Variants in SEMA6D observed in about 807,000 individuals in gnomAD.
SEMA6D encodes semaphorin 6D.
In SEMA6D, 35 loss-of-function variants were observed where a neutral mutation model predicts 106.6. The observed-to-expected ratio is 0.33, with a 90% CI of 0.25 to 0.44. The LOEUF (loss-of-function observed/expected upper bound fraction) is 0.44, where lower values mean the gene tolerates loss of function less well. SEMA6D is among the 20% of genes least tolerant of loss of function. The pLI is 1.00. For synonymous variants in SEMA6D, 499 were observed against 487.7 expected, an observed-to-expected ratio of 1.02 and a Z score of -0.31; for missense variants, 1,185 against 1,345.9, an observed-to-expected ratio of 0.88 and a Z score of 1.87.
intron 3 of SEMA6D, among the ~76,000 whole-genome samples, chr15:47,548,878 A>T (rs1202195358): frequency 6.6e-6 from 1 of 152,146 alleles, no homozygotes; most frequent in African/African-American, 2.4e-5. Context: ...ATTCTAATGG[A>T]CTTTCCTGGA....
At chr15:47,468,776 A>G (rs1023718612) in intron 2 of SEMA6D, among the ~76,000 whole-genome samples, 3 of 152,190 alleles carry the variant, frequency 2.0e-5, no homozygotes, top group Admixed American at 1.3e-4. Flanking sequence ...TGAATAGTAC[A>G]GATAAAATTG....
chr15:47,572,853 A>G (rs2076087309), intron 3 of SEMA6D, among the ~76,000 whole-genome samples: 1 of 152,180 alleles, frequency 6.6e-6, no homozygotes, highest in Admixed American at 6.5e-5. Flanking sequence ...TTTGCCAGAT[A>G]CTATGTTAGG....
intron 2 of SEMA6D, among the ~76,000 whole-genome samples, chr15:47,414,639 G>A (rs1284329226): frequency 6.6e-6 from 1 of 152,172 alleles, no homozygotes; most frequent in East Asian, 1.9e-4. Flanking sequence ...ATGCTAAATT[G>A]ACTTGCATCA....
At chr15:47,653,833 G>A (rs1419847521) in intron 4 of SEMA6D, among the ~76,000 whole-genome samples, 1 of 152,164 alleles carries the variant, frequency 6.6e-6, no homozygotes, top group Non-Finnish European at 1.5e-5. Flanking sequence ...ACGAATGAAC[G>A]AATGGAAAAT....
intron 3 of SEMA6D, among the ~76,000 whole-genome samples, chr15:47,549,101 T>A (rs1450776950): frequency 6.6e-6 from 1 of 152,118 alleles, no homozygotes; most frequent in African/African-American, 2.4e-5. Flanking sequence ...CTTTGCTATG[T>A]GTATTACAGG....
At chr15:47,404,989 C>T (rs148644412) in intron 1 of SEMA6D, among the ~76,000 whole-genome samples, 15 of 152,116 alleles carry the variant, frequency 9.9e-5, no homozygotes, top group African/African-American at 3.4e-4. Context: ...ACCTCACCGC[C>T]GGTCAAGTGG....
intron 3 of SEMA6D, among the ~76,000 whole-genome samples, chr15:47,500,045 C>T (rs1182822702): frequency 6.6e-6 from 1 of 152,106 alleles, no homozygotes; most frequent in Non-Finnish European, 1.5e-5. Flanking sequence ...TTTGACACTG[C>T]AATACTACTA....
chr15:47,323,534 G>A (rs1256672834), intron 1 of SEMA6D, among the ~76,000 whole-genome samples: 1 of 152,134 alleles, frequency 6.6e-6, no homozygotes, highest in Non-Finnish European at 1.5e-5. Context: ...TGGTTAAAAG[G>A]CATCATTCAG....
At chr15:47,595,855 G>T (rs2076526337) in intron 3 of SEMA6D, among the ~76,000 whole-genome samples, 1 of 151,862 alleles carries the variant, frequency 6.6e-6, no homozygotes, top group Non-Finnish European at 1.5e-5. Flanking sequence ...CAATTTATTG[G>T]CATGTTATTC....
chr15:47,546,968 A>G (rs1223299977), intron 3 of SEMA6D, among the ~76,000 whole-genome samples: 2 of 152,058 alleles, frequency 1.3e-5, no homozygotes, highest in African/African-American at 4.8e-5. Context: ...AGCAGACAGA[A>G]ATAGTCTGTT....
chr15:47,555,334 TCA>T (rs2045885516), intron 3 of SEMA6D, among the ~76,000 whole-genome samples: 1 of 152,182 alleles, frequency 6.6e-6, no homozygotes, highest in African/African-American at 2.4e-5. Flanking sequence ...TGTTAAATTC[TCA>T]GTTCCCAGGC....
chr15:47,245,530 C>A (rs1195361421), intron 1 of SEMA6D, among the ~76,000 whole-genome samples: 3 of 152,190 alleles, frequency 2.0e-5, no homozygotes, highest in Non-Finnish European at 4.4e-5. Context: ...CAGAATATAG[C>A]TGTTTGTGAA....
At chr15:47,264,823 A>G (rs1388587198) in intron 1 of SEMA6D, among the ~76,000 whole-genome samples, 1 of 152,032 alleles carries the variant, frequency 6.6e-6, no homozygotes, top group Non-Finnish European at 1.5e-5. Flanking sequence ...ATGTCATGAA[A>G]AAGTATTGGA....
At position 47,772,357 on chromosome 15, in the gene SEMA6D, CGTGTGTGTGTGTGTGTGT is replaced by C. The variant is rs71432251; in HGVS notation, c.*589_*606del. On this transcript the variant is annotated 3_prime_UTR_variant, in exon 19 of 19. Transcript: ENST00000536845. ...CACCAACAAACTTGTTGTGTGTGTG[CGTGTGTGTGTGTGTGTGT>C]GTGTGTGTGTGTGTGTTCTGTACCC... The C allele has an allele frequency of 7.1e-6, 1 of 141,546 alleles. No individual in the cohort carries two copies. Among genetic ancestry groups the C allele is most frequent in the Non-Finnish European group, 1.5e-5 (1 of 66,140 alleles). The allele number at this position is 141,546 out of a possible 1,614,324, so 8.8% of individuals were successfully genotyped here.
chr15:47,325,157 G>A (rs1327885740), intron 1 of SEMA6D, among the ~76,000 whole-genome samples: 1 of 101,588 alleles, frequency 9.8e-6, no homozygotes, highest in East Asian at 2.8e-4. Flanking sequence ...ACAGGGTGAA[G>A]CGTTTTTTTT....
At chr15:47,706,110 A>G (rs2078908085) in intron 4 of SEMA6D, among the ~76,000 whole-genome samples, 1 of 152,216 alleles carries the variant, frequency 6.6e-6, no homozygotes, top group Admixed American at 6.5e-5. Context: ...TCTCTGCTGA[A>G]AACTGCCCCA....
intron 4 of SEMA6D, among the ~76,000 whole-genome samples, chr15:47,631,895 G>A (rs114415948): frequency 0.013 from 1,938 of 152,004 alleles, 43 homozygotes; most frequent in African/African-American, 0.044. Flanking sequence ...TTAATGGTAA[G>A]CATTTCTAAT....
At chr15:47,191,721 A>T (rs185776196) in intron 1 of SEMA6D, among the ~76,000 whole-genome samples, 2 of 151,884 alleles carry the variant, frequency 1.3e-5, no homozygotes, top group African/African-American at 4.8e-5. Context: ...ATATTACAGG[A>T]TGTTGGGGGA....
chr15:47,631,474 A>G (rs1252301832), intron 4 of SEMA6D, among the ~76,000 whole-genome samples: 1 of 151,960 alleles, frequency 6.6e-6, no homozygotes, highest in Non-Finnish European at 1.5e-5. Context: ...AATGAAAGAA[A>G]AAGGAAAAAA....
Sources: allele counts gnomAD v4.1 joint callset (sites outside exome capture counted in the v4.1 genomes callset), GRCh38; gene constraint gnomAD v4.1.1; transcripts MANE v1.5; gene names NCBI Gene and HGNC (gene_info 2026-07-23, HGNC 2026-07-21).